Variants in GABBR2 observed in about 807,000 individuals in gnomAD.
GABBR2 encodes the protein G-protein coupled receptor 51.
Under a neutral mutation model 105.6 loss-of-function variants are expected in GABBR2, and 23 were observed. That is an observed-to-expected ratio of 0.22 (90% CI 0.16 to 0.31). GABBR2 has a LOEUF of 0.31. Among genes scored for constraint, GABBR2 ranks in the 10% least tolerant of loss-of-function variants. The pLI is 1.00. For missense variants in GABBR2, 734 were observed against 1,245.5 expected (o/e 0.59, Z 6.18); for synonymous variants, 478 against 499.7 (o/e 0.96, Z 0.58).
At position 98,388,760 on chromosome 9, in the gene GABBR2, C is replaced by T. The variant is rs113302557; in HGVS notation, c.1529+94G>A. The T allele has an allele frequency of 0.014, 14,027 of 1,018,504 alleles. 137 individuals are homozygous for T. The highest frequency in any genetic ancestry group is 0.031 in the African/African-American group (1,949 of 62,362). 63.1% of individuals were successfully genotyped at this position (1,018,504 alleles called of 1,614,324 possible). On this transcript the variant is annotated intron_variant, in intron 10 of 18. Transcript: ENST00000259455. This position sits in a 1 kb window ranked among gnomAD's most constrained non-coding sequence, Gnocchi z 4.4. ...AACTCTGCCCTGCAGACTTCTGTGT[C>T]CCTGGGGAATCTGTCATGTGGCACT...
At chr9:98,497,733 A>T (rs1827312509) in intron 3 of GABBR2, among the ~76,000 whole-genome samples, 1 of 152,230 alleles carries the variant, frequency 6.6e-6, no homozygotes, top group Admixed American at 6.5e-5. Flanking sequence ...CAAAACCACA[A>T]GTGTTGGTGA....
At chr9:98,385,550 T>C in intron 11 of GABBR2, 90 bp downstream of exon 11, 1 of 1,004,178 alleles carries the variant, frequency 1.0e-6, no homozygotes, top group Non-Finnish European at 1.6e-6. Flanking sequence ...TATTTTCATG[T>C]ATTTCTGGGT....
chr9:98,527,032 C>T (rs572456779), intron 3 of GABBR2, among the ~76,000 whole-genome samples: 1 of 149,934 alleles, frequency 6.7e-6, no homozygotes, highest in East Asian at 1.9e-4. Context: ...CTAGAACATC[C>T]AGTGAATGAA....
At chr9:98,317,862 C>G (rs1020640572) in intron 13 of GABBR2, among the ~76,000 whole-genome samples, 4 of 152,170 alleles carry the variant, frequency 2.6e-5, no homozygotes, top group African/African-American at 4.8e-5. Context: ...TGAATACAAA[C>G]AGTGATAAAT....
intron 8 of GABBR2, among the ~76,000 whole-genome samples, chr9:98,400,945 G>A (rs917473009): frequency 6.6e-6 from 1 of 152,140 alleles, no homozygotes; most frequent in African/African-American, 2.4e-5. Flanking sequence ...GACTTTCATG[G>A]ACCAACGACA....
At chr9:98,616,262 C>T (rs1206853372) in intron 1 of GABBR2, among the ~76,000 whole-genome samples, 1 of 152,216 alleles carries the variant, frequency 6.6e-6, no homozygotes, top group Non-Finnish European at 1.5e-5. Flanking sequence ...CATTTCTTCC[C>T]TTTCTCACCC....
intron 3 of GABBR2, among the ~76,000 whole-genome samples, chr9:98,522,513 C>G (rs781266808): frequency 6.6e-6 from 1 of 152,096 alleles, no homozygotes; most frequent in African/African-American, 2.4e-5. Context: ...TCCAAAGGAA[C>G]CAAATCAGAC....
chr9:98,511,276 A>G (rs1316828607), intron 3 of GABBR2, among the ~76,000 whole-genome samples: 3 of 150,504 alleles, frequency 2.0e-5, no homozygotes, highest in African/African-American at 7.4e-5. Context: ...GGAAATTTAT[A>G]GCACTAAATG....
At chr9:98,294,266 C>T (rs535991559) in intron 17 of GABBR2, among the ~76,000 whole-genome samples, 13 of 152,232 alleles carry the variant, frequency 8.5e-5, no homozygotes, top group African/African-American at 2.9e-4. Context: ...AAAGAAAAAA[C>T]CTCCAAGGTA....
chr9:98,649,225 T>G (rs1340844641), intron 1 of GABBR2, among the ~76,000 whole-genome samples: 3 of 152,236 alleles, frequency 2.0e-5, no homozygotes, highest in Non-Finnish European at 4.4e-5. Flanking sequence ...ATTTTTCTCC[T>G]GCAAAAGATG....
chr9:98,547,678 C>G (rs1828423262), intron 2 of GABBR2, among the ~76,000 whole-genome samples: 1 of 121,604 alleles, frequency 8.2e-6, no homozygotes. Flanking sequence ...CATAAGTATT[C>G]TCATTTCTTC....
Position 98,453,963 on chromosome 9 carries a change from C to T in GABBR2, c.1236+18G>A. 1 of 1,552,526 alleles carries T rather than the reference C, an allele frequency of 6.4e-7. No individual in the cohort carries two copies. Among genetic ancestry groups the T allele is most frequent in the East Asian group, 2.2e-5 (1 of 44,572 alleles). ...ACAAGGAACACTAAGGAAAACAGCCCAGAGGCATGGGACTGACCGTGACCC... is the reference window on the plus strand; with the variant it reads ...ACAAGGAACACTAAGGAAAACAGCCTAGAGGCATGGGACTGACCGTGACCC... On this transcript the variant is annotated intron_variant, in intron 7 of 18. Transcript: ENST00000259455.
intron 5 of GABBR2, among the ~76,000 whole-genome samples, chr9:98,477,721 A>C (rs531232566): frequency 6.6e-6 from 1 of 152,338 alleles, no homozygotes; most frequent in South Asian, 2.1e-4. Context: ...CATTTAATTA[A>C]GTTTCCTTTT....
intron 12 of GABBR2, among the ~76,000 whole-genome samples, chr9:98,368,834 C>T (rs371173948): frequency 7.9e-5 from 12 of 152,304 alleles, no homozygotes; most frequent in East Asian, 3.9e-4. Flanking sequence ...GGCTCTCCAG[C>T]CTTGGCTTGC....
chr9:98,623,935 G>A (rs1010122805), intron 1 of GABBR2, among the ~76,000 whole-genome samples: 1 of 152,098 alleles, frequency 6.6e-6, no homozygotes, highest in Non-Finnish European at 1.5e-5. Flanking sequence ...TTTCAGATGG[G>A]GAACCTGAGG....
At chr9:98,367,841 G>T (rs1449523257) in intron 12 of GABBR2, among the ~76,000 whole-genome samples, 2 of 152,080 alleles carry the variant, frequency 1.3e-5, no homozygotes, top group African/African-American at 4.8e-5. Context: ...TTTTGAAAGG[G>T]TTGTGACAGG....
intron 13 of GABBR2, among the ~76,000 whole-genome samples, chr9:98,349,634 G>A (rs569567902): frequency 6.6e-6 from 1 of 152,196 alleles, no homozygotes; most frequent in East Asian, 1.9e-4. Context: ...GATTACAGGC[G>A]TGAGCCACTG....
intron 13 of GABBR2, among the ~76,000 whole-genome samples, chr9:98,318,016 A>AG (rs1256650127): frequency 6.6e-6 from 1 of 152,220 alleles, no homozygotes. Context: ...GTGAAAAGCT[A>AG]GGGGAAGAGC....
At chr9:98,587,481 A>G (rs1829094417) in intron 1 of GABBR2, among the ~76,000 whole-genome samples, 1 of 152,220 alleles carries the variant, frequency 6.6e-6, no homozygotes, top group African/African-American at 2.4e-5. Flanking sequence ...TACTGGATAA[A>G]ATCCAGCCAA....
Sources: gnomAD v4.1 joint callset for allele counts (sites outside exome capture counted in the v4.1 genomes callset) on GRCh38, gnomAD v4.1.1 for gene constraint, Gnocchi (gnomAD v3.1) non-coding constraint, MANE v1.5 for transcripts, NCBI Gene and HGNC (gene_info 2026-07-23, HGNC 2026-07-21) for gene names.